The following ALMS1 variants were observed in gnomAD, a reference collection of about 807,000 sequenced individuals.
ALMS1 encodes the protein ALMS1 centrosome and basal body associated protein.
In ALMS1, 271 loss-of-function variants were observed where a neutral mutation model predicts 352.2. The ratio of observed to expected loss-of-function variants is 0.77; its 90% CI spans 0.70 to 0.85. The LOEUF (loss-of-function observed/expected upper bound fraction) is 0.85. ALMS1 is among the 40% of genes least tolerant of loss of function. The pLI, the probability that ALMS1 is intolerant of heterozygous loss-of-function variation, is 0.00. For synonymous variants in ALMS1, 1,865 were observed against 1,761.2 expected (o/e 1.06, Z -1.48); for missense variants, 5,445 against 4,870.7 (o/e 1.12, Z -3.51).
chr2:73,554,091 A>G (rs1210196254), intron 13 of ALMS1, among the ~76,000 whole-genome samples: 1 of 152,180 alleles, frequency 6.6e-6, no homozygotes, highest in African/African-American at 2.4e-5. Context: ...TTTGACTTTT[A>G]AAACATATAC....
At chr2:73,588,315 A>T (rs989341275) in intron 16 of ALMS1, among the ~76,000 whole-genome samples, 1 of 151,526 alleles carries the variant, frequency 6.6e-6, no homozygotes, top group African/African-American at 2.4e-5. Context: ...ATCTCTTTGC[A>T]CTCTGTCTGT....
At chr2:73,405,317 C>CTGTT (rs1670951424) in intron 1 of ALMS1, among the ~76,000 whole-genome samples, 1 of 152,052 alleles carries the variant, frequency 6.6e-6, no homozygotes, top group Non-Finnish European at 1.5e-5. Flanking sequence ...TCTTGGTAGG[C>CTGTT]TGTGTGTTTC....
intron 12 of ALMS1, among the ~76,000 whole-genome samples, chr2:73,541,254 A>G (rs140783704): frequency 0.014 from 2,177 of 152,326 alleles, 56 homozygotes; most frequent in African/African-American, 0.049. Flanking sequence ...AAACTGAACA[A>G]CCTGCCCCTG....
chr2:73,415,159 T>C (rs546420626), intron 2 of ALMS1, among the ~76,000 whole-genome samples: 41 of 152,320 alleles, frequency 2.7e-4, no homozygotes, highest in African/African-American at 8.4e-4. Context: ...TCCCCACATC[T>C]GTCAAAAATA....
chr2:73,590,137 T>C (rs1456610350), intron 16 of ALMS1, among the ~76,000 whole-genome samples: 1 of 152,104 alleles, frequency 6.6e-6, no homozygotes, highest in African/African-American at 2.4e-5. Context: ...TCATATAATT[T>C]ACAGTGCTTT....
At chr2:73,433,239 T>C (rs538640226) in intron 7 of ALMS1, among the ~76,000 whole-genome samples, 2 of 152,334 alleles carry the variant, frequency 1.3e-5, no homozygotes, top group South Asian at 4.1e-4. Flanking sequence ...TTTTTCCTGC[T>C]AACACTCAGG....
chr2:73,579,264 T>A (rs775705152), intron 16 of ALMS1, among the ~76,000 whole-genome samples: 2 of 151,930 alleles, frequency 1.3e-5, no homozygotes, highest in Non-Finnish European at 2.9e-5. Flanking sequence ...TTCACCATGT[T>A]GGCCAGGCTG....
intron 9 of ALMS1, among the ~76,000 whole-genome samples, chr2:73,480,047 A>G (rs1672662728): frequency 6.6e-6 from 1 of 150,582 alleles, no homozygotes; most frequent in Non-Finnish European, 1.5e-5. Flanking sequence ...TCTTTTGCCC[A>G]TTTTCTTTTT....
At position 73,490,003 on chromosome 2, in the gene ALMS1, G is replaced by T. The variant is rs779187578; in HGVS notation, c.8044G>T (p.Glu2682Ter). The T allele has an allele frequency of 2.5e-6, 4 of 1,614,238 alleles. No individual in the cohort carries two copies. In the East Asian group the frequency reaches 8.9e-5, roughly 36 times the overall value. ...FDEKMDPWLS[E>*]LVEPAFVPPK... ...TGAAAAGATGGACCCTTGGCTGTCA[G>T]AATTAGTAGAACCTGCTTTTGTGCC... The change falls in exon 10 of 23, where the codon GAA becomes TAA. Residue 2682 changes from glutamate (E) to a stop codon, truncating the protein, a stop_gained. Transcript: ENST00000613296. LOFTEE classifies it high-confidence loss of function.
intron 6 of ALMS1, 79 bp downstream of exon 6, chr2:73,426,632 T>C: frequency 1.4e-6 from 2 of 1,449,052 alleles, no homozygotes; most frequent in South Asian, 1.1e-5. Flanking sequence ...TGTTTGTTTT[T>C]ATTTTACTTT....
intron 10 of ALMS1, among the ~76,000 whole-genome samples, chr2:73,493,450 C>T (rs10180417): frequency 0.016 from 2,423 of 151,370 alleles, 56 homozygotes; most frequent in African/African-American, 0.056. Context: ...GGGCTGGGTG[C>T]GGTGGCTCAC....
At chr2:73,481,442 GT>G (rs1439213755) in intron 9 of ALMS1, among the ~76,000 whole-genome samples, 1 of 152,154 alleles carries the variant, frequency 6.6e-6, no homozygotes, top group African/African-American at 2.4e-5. Flanking sequence ...CTATATCTCT[GT>G]TTTGGTACCA....
intron 10 of ALMS1, among the ~76,000 whole-genome samples, chr2:73,497,564 T>G (rs1673135202): frequency 6.6e-6 from 1 of 152,124 alleles, no homozygotes; most frequent in South Asian, 2.1e-4. Context: ...CACTATACTG[T>G]ACTCTATGAA....
At chr2:73,485,306 C>T (rs192979570) in intron 9 of ALMS1, among the ~76,000 whole-genome samples, 23 of 152,166 alleles carry the variant, frequency 1.5e-4, no homozygotes, top group Non-Finnish European at 2.2e-4. Context: ...CAGGACCCTC[C>T]GCTGCAGGTC....
chr2:73,564,140 A>G (rs1034095581), intron 15 of ALMS1, among the ~76,000 whole-genome samples: 1 of 151,972 alleles, frequency 6.6e-6, no homozygotes, highest in African/African-American at 2.4e-5. Context: ...AAATTTTTTC[A>G]TACAGCTTTA....
intron 2 of ALMS1, among the ~76,000 whole-genome samples, chr2:73,414,660 A>G (rs1208860960): frequency 6.6e-6 from 1 of 151,634 alleles, no homozygotes; most frequent in Non-Finnish European, 1.5e-5. Context: ...AGCATTTGAC[A>G]CTATTATTAA....
intron 14 of ALMS1, among the ~76,000 whole-genome samples, chr2:73,558,243 G>A (rs754777318): frequency 3.3e-5 from 5 of 152,196 alleles, no homozygotes; most frequent in Non-Finnish European, 7.4e-5. Context: ...AGGACAGATA[G>A]TATTGATAGT....
intron 12 of ALMS1, among the ~76,000 whole-genome samples, chr2:73,536,787 C>A (rs1674038866): frequency 6.6e-6 from 1 of 152,112 alleles, no homozygotes; most frequent in Non-Finnish European, 1.5e-5. Context: ...AAGGAAACAG[C>A]CATCCAAAGA....
chr2:73,473,920 AAGAG>A (rs35028203), intron 9 of ALMS1, among the ~76,000 whole-genome samples: 9,110 of 148,066 alleles, frequency 0.062, 626 homozygotes, highest in African/African-American at 0.16. Flanking sequence ...TCTTAGAGGG[AAGAG>A]AGAGAGAGAG....
Sources: gnomAD v4.1 joint callset for allele counts (sites outside exome capture counted in the v4.1 genomes callset) on GRCh38, gnomAD v4.1.1 for gene constraint, MANE v1.5 for transcripts, NCBI Gene and HGNC (gene_info 2026-07-23, HGNC 2026-07-21) for gene names.